Variants in KLHL1 observed in about 807,000 individuals in gnomAD.
KLHL1 encodes the protein kelch-like protein 1.
KLHL1 carries 47 observed loss-of-function variants against 77.7 expected under a neutral mutation model. The ratio of observed to expected loss-of-function variants is 0.60; its 90% CI spans 0.48 to 0.77. KLHL1 has a LOEUF of 0.77. Among genes scored for constraint, KLHL1 ranks in the 30% least tolerant of loss-of-function variants. KLHL1 has a pLI of 0.00. For missense variants in KLHL1, 925 were observed against 910.8 expected (o/e 1.02, Z -0.20); for synonymous variants, 360 against 325.2 (o/e 1.11, Z -1.15).
At chr13:69,990,444 T>C (rs1884998613) in intron 1 of KLHL1, among the ~76,000 whole-genome samples, 1 of 151,828 alleles carries the variant, frequency 6.6e-6, no homozygotes, top group Non-Finnish European at 1.5e-5. Context: ...TGCAATGACA[T>C]GCATAATCTC....
At chr13:70,069,866 ATGAG>A in intron 1 of KLHL1, among the ~76,000 whole-genome samples, 1 of 151,624 alleles carries the variant, frequency 6.6e-6, no homozygotes, top group South Asian at 2.1e-4. Flanking sequence ...AAGGAGAAAA[ATGAG>A]AGAAAGAAGC....
At chr13:70,051,944 CTT>C (rs5804468) in intron 1 of KLHL1, among the ~76,000 whole-genome samples, 8 of 146,978 alleles carry the variant, frequency 5.4e-5, no homozygotes, top group East Asian at 2.0e-4. Flanking sequence ...TTATAGAAAG[CTT>C]TTTTTTTTTC....
chr13:69,815,906 A>AC (rs1878100047), intron 6 of KLHL1, among the ~76,000 whole-genome samples: 1 of 152,084 alleles, frequency 6.6e-6, no homozygotes, highest in Non-Finnish European at 1.5e-5. Flanking sequence ...AAATAGAGAA[A>AC]TAAAAAACTG....
chr13:70,057,802 A>AAAAAAG (rs1886784990), intron 1 of KLHL1, among the ~76,000 whole-genome samples: 1 of 148,574 alleles, frequency 6.7e-6, no homozygotes, highest in African/African-American at 2.4e-5. Flanking sequence ...AAAAAAAAAA[A>AAAAAAG]AAAGAAAGAA....
chr13:70,107,759 TG>T lies in KLHL1; in HGVS notation c.-61del. 1 of 1,341,058 alleles carries T rather than the reference TG, an allele frequency of 7.5e-7. No homozygotes were observed. The allele number at this position is 1,341,058 out of a possible 1,614,324, so 83.1% of individuals were successfully genotyped here. ...ACGCAGGAGTAGGCTGGTCAGCAGGTGGGGGAGGACAGCGGGGCCCGGGGGC... is the reference window on the plus strand; with the variant it reads ...ACGCAGGAGTAGGCTGGTCAGCAGGTGGGGAGGACAGCGGGGCCCGGGGGC... On this transcript the variant is annotated 5_prime_UTR_variant, in exon 1 of 11. Coordinates refer to ENST00000377844, the MANE Select transcript of KLHL1 (RefSeq NM_020866.3).
At chr13:69,982,351 G>A (rs896511521) in intron 1 of KLHL1, among the ~76,000 whole-genome samples, 2 of 150,906 alleles carry the variant, frequency 1.3e-5, no homozygotes, top group African/African-American at 4.9e-5. Flanking sequence ...CAGGAGAATT[G>A]CTTGAACCCG....
Position 69,801,050 on chromosome 13 carries a change from C to T in KLHL1, c.1415-4088G>A, listed in dbSNP as rs78176007. On this transcript the variant is annotated intron_variant, in intron 6 of 10. Transcript: ENST00000377844. The stretch of plus-strand genomic sequence containing the variant: ...CTCTGTGCGTAGAATATACATTATT[C>T]GGGTGATGACTACCTAAAGCCCTCG... 2.1e-3 allele frequency among the ~76,000 whole-genome samples: 324 copies of T among 152,268 alleles called. 6 individuals carry two copies. The highest frequency in any genetic ancestry group is 0.017 in the Admixed American group (259 of 15,290).
At chr13:69,737,997 G>T (rs115834098) in intron 8 of KLHL1, among the ~76,000 whole-genome samples, 3,028 of 152,232 alleles carry the variant, frequency 0.02, 99 homozygotes, top group African/African-American at 0.07. Flanking sequence ...GCTGGCATCA[G>T]GTTGGTGCCC....
In KLHL1 at chr13:69,971,048, A is replaced by G. The variant is rs930251091; in HGVS notation, c.680+4572T>C. ...TTCAAAACTACCTTTCTAAATTATG[A>G]TAGTCAGTCTATTGTGGTTGTTAAA... On this transcript the variant is annotated intron_variant, in intron 2 of 10. Coordinates refer to ENST00000377844, the MANE Select transcript of KLHL1 (RefSeq NM_020866.3). 4.6e-5 allele frequency among the ~76,000 whole-genome samples: 7 copies of G among 152,214 alleles called. No individual in the cohort carries two copies. The South Asian group carries it at 6.2e-4, about 14-fold the overall frequency.
intron 2 of KLHL1, among the ~76,000 whole-genome samples, chr13:69,970,307 T>C (rs1481441197): frequency 6.6e-6 from 1 of 152,180 alleles, no homozygotes; most frequent in African/African-American, 2.4e-5. Context: ...TTTCTTTCAT[T>C]TATACTTCTT....
intron 7 of KLHL1, among the ~76,000 whole-genome samples, chr13:69,780,715 T>TACACAC (rs1566243724): frequency 0.013 from 367 of 27,796 alleles, 18 homozygotes; most frequent in Middle Eastern, 0.077. Context: ...TATATATATA[T>TACACAC]GTATATATAT....
At chr13:69,752,341 C>G (rs535674471) in intron 7 of KLHL1, among the ~76,000 whole-genome samples, 1 of 152,198 alleles carries the variant, frequency 6.6e-6, no homozygotes, top group African/African-American at 2.4e-5. Flanking sequence ...TTTGATTTAT[C>G]TAAGCAATTA....
chr13:70,013,236 C>T (rs1286064542), intron 1 of KLHL1, among the ~76,000 whole-genome samples: 1 of 151,986 alleles, frequency 6.6e-6, no homozygotes, highest in Non-Finnish European at 1.5e-5. Flanking sequence ...ACACTGAAAG[C>T]AATTCTATAC....
chr13:69,972,307 A>G (rs1262891866), intron 2 of KLHL1, among the ~76,000 whole-genome samples: 1 of 151,988 alleles, frequency 6.6e-6, no homozygotes, highest in Non-Finnish European at 1.5e-5. Context: ...AAGAACATTA[A>G]AATAATAAAT....
At chr13:70,000,502 C>A (rs1885261726) in intron 1 of KLHL1, among the ~76,000 whole-genome samples, 2 of 151,858 alleles carry the variant, frequency 1.3e-5, no homozygotes, top group African/African-American at 4.8e-5. Flanking sequence ...ATATAGAGAA[C>A]TATTGCATAT....
intron 7 of KLHL1, among the ~76,000 whole-genome samples, chr13:69,746,783 A>G (rs571795796): frequency 6.6e-6 from 1 of 152,148 alleles, no homozygotes; most frequent in East Asian, 1.9e-4. Flanking sequence ...GACCACAGTC[A>G]CAATCAAGAT....
At chr13:69,829,140 C>T (rs1878662535) in intron 6 of KLHL1, among the ~76,000 whole-genome samples, 1 of 150,454 alleles carries the variant, frequency 6.6e-6, no homozygotes, top group South Asian at 2.1e-4. Flanking sequence ...CTAGCACAAC[C>T]AGCATTAGAG....
chr13:69,920,362 T>C (rs1882592808), intron 4 of KLHL1, among the ~76,000 whole-genome samples: 1 of 152,110 alleles, frequency 6.6e-6, no homozygotes, highest in Non-Finnish European at 1.5e-5. Context: ...CATTAATCCA[T>C]TTGTGGTTCA....
chr13:69,771,277 A>AAAG (rs775790247), intron 7 of KLHL1, among the ~76,000 whole-genome samples: 1 of 54,652 alleles, frequency 1.8e-5, no homozygotes, highest in African/African-American at 8.2e-5. Context: ...AGCAACTTTC[A>AAAG]AAAAAAAAAA....
Sources: gnomAD v4.1 joint callset for allele counts (sites outside exome capture counted in the v4.1 genomes callset) on GRCh38, gnomAD v4.1.1 for gene constraint, MANE v1.5 for transcripts, NCBI Gene and HGNC (gene_info 2026-07-23, HGNC 2026-07-21) for gene names.